Variants in MACROD2 observed in about 807,000 individuals in gnomAD.
MACROD2 encodes the protein mono-ADP ribosylhydrolase 2.
In MACROD2, 36 loss-of-function variants were observed where a neutral mutation model predicts 70.4. The observed-to-expected ratio is 0.51, with a 90% CI of 0.39 to 0.68. The LOEUF (loss-of-function observed/expected upper bound fraction) is 0.68, where lower values mean the gene tolerates loss of function less well. Among genes scored for constraint, MACROD2 ranks in the 30% least tolerant of loss-of-function variants. MACROD2 has a pLI of 0.00. For synonymous variants in MACROD2, 172 were observed against 178.8 expected (o/e 0.96, Z 0.30); for missense variants, 496 against 538.4 (o/e 0.92, Z 0.78).
chr20:15,931,817 G>T (rs1033840580), intron 10 of MACROD2, among the ~76,000 whole-genome samples: 1 of 151,772 alleles, frequency 6.6e-6, no homozygotes, highest in Non-Finnish European at 1.5e-5. Context: ...CCCCATTTAG[G>T]TCAAATCTAA....
intron 5 of MACROD2, among the ~76,000 whole-genome samples, chr20:15,144,471 T>C (rs576263797): frequency 6.6e-6 from 1 of 152,154 alleles, no homozygotes; most frequent in African/African-American, 2.4e-5. Context: ...ATAGTGACTT[T>C]GAAACTTTGA....
intron 6 of MACROD2, among the ~76,000 whole-genome samples, chr20:15,351,200 A>G (rs890771140): frequency 3.9e-5 from 6 of 152,166 alleles, no homozygotes; most frequent in Non-Finnish European, 7.3e-5. Context: ...ATGACACAAG[A>G]GGGCACAACA....
At chr20:14,511,562 T>C (rs755442966) in intron 4 of MACROD2, among the ~76,000 whole-genome samples, 2 of 149,874 alleles carry the variant, frequency 1.3e-5, no homozygotes, top group Non-Finnish European at 3.0e-5. Context: ...CAACCTAAAA[T>C]ATTTCTTTTC....
intron 3 of MACROD2, among the ~76,000 whole-genome samples, chr20:14,181,368 C>T (rs1328692878): frequency 6.6e-6 from 1 of 151,894 alleles, no homozygotes; most frequent in Non-Finnish European, 1.5e-5. Context: ...GTGCCTGGCC[C>T]TCTGTCATTT....
chr20:15,732,510 T>A (rs938521447), intron 8 of MACROD2, among the ~76,000 whole-genome samples: 1 of 152,266 alleles, frequency 6.6e-6, no homozygotes, highest in Non-Finnish European at 1.5e-5. Context: ...TGAATGCCTG[T>A]TGAATTTTGT....
chr20:15,785,496 T>A (rs1271115724), intron 8 of MACROD2, among the ~76,000 whole-genome samples: 2 of 152,152 alleles, frequency 1.3e-5, no homozygotes, highest in African/African-American at 4.8e-5. Flanking sequence ...TTTAAGTGAC[T>A]CAGTAGGGGA....
rs113118962 is a variant in MACROD2 at position 15,387,419 on chromosome 20, T to C, written c.541-43986T>C. Among the ~76,000 whole-genome samples, 891 of 151,822 alleles carry C rather than the reference T, an allele frequency of 5.9e-3. 8 individuals are homozygous for C. The highest frequency in any genetic ancestry group is 0.031 in the Middle Eastern group (9 of 294). ...CAGTCTGCACTTTTCCCTTCCATTCTCCATCCTTTCTCCTTTTATTCCTCT... is the reference window on the plus strand; with the variant it reads ...CAGTCTGCACTTTTCCCTTCCATTCCCCATCCTTTCTCCTTTTATTCCTCT... On this transcript the variant is annotated intron_variant, in intron 6 of 17. Transcript: ENST00000684519.
At chr20:15,778,249 C>T (rs1389623751) in intron 8 of MACROD2, among the ~76,000 whole-genome samples, 2 of 152,136 alleles carry the variant, frequency 1.3e-5, no homozygotes, top group African/African-American at 2.4e-5. Context: ...ATCCACTTCT[C>T]TCTACTTTCC....
chr20:14,724,648 A>G (rs908801848), intron 5 of MACROD2, among the ~76,000 whole-genome samples: 2 of 152,210 alleles, frequency 1.3e-5, no homozygotes, highest in African/African-American at 4.8e-5. Context: ...AAGGAAACAC[A>G]TATGGTAACA....
chr20:14,420,618 G>T (rs957695918), intron 3 of MACROD2, among the ~76,000 whole-genome samples: 1 of 152,106 alleles, frequency 6.6e-6, no homozygotes, highest in African/African-American at 2.4e-5. Flanking sequence ...ATGTGTTTCA[G>T]ATATTAATCC....
chr20:15,151,331 G>T (rs919182450), intron 5 of MACROD2, among the ~76,000 whole-genome samples: 1 of 152,060 alleles, frequency 6.6e-6, no homozygotes, highest in African/African-American at 2.4e-5. Context: ...GGAATGCCTG[G>T]CTGCTGCGGT....
chr20:15,898,845 G>A (rs190422289), intron 10 of MACROD2, among the ~76,000 whole-genome samples: 28 of 151,958 alleles, frequency 1.8e-4, no homozygotes, highest in Admixed American at 1.2e-3. Context: ...GAAGTAGATA[G>A]ATAGATGCAT....
intron 8 of MACROD2, among the ~76,000 whole-genome samples, chr20:15,548,044 T>A (rs780591752): frequency 3.3e-5 from 5 of 152,164 alleles, no homozygotes; most frequent in Non-Finnish European, 7.4e-5. Context: ...CTCATTGCCA[T>A]CTATCTATAT....
intron 8 of MACROD2, among the ~76,000 whole-genome samples, chr20:15,807,290 T>A (rs1223226764): frequency 6.6e-6 from 1 of 152,156 alleles, no homozygotes; most frequent in African/African-American, 2.4e-5. Flanking sequence ...GACCAAAACA[T>A]GGCCTTCGTT....
intron 6 of MACROD2, among the ~76,000 whole-genome samples, chr20:15,238,967 G>A (rs1301632998): frequency 1.3e-5 from 2 of 152,124 alleles, no homozygotes; most frequent in East Asian, 1.9e-4. Context: ...TGCAATGCAA[G>A]CTTTCATCTT....
chr20:14,964,639 A>G (rs2122776767), intron 5 of MACROD2, among the ~76,000 whole-genome samples: 1 of 152,324 alleles, frequency 6.6e-6, no homozygotes, highest in African/African-American at 2.4e-5. Context: ...CCTGGATTCC[A>G]AATACCTATC....
rs115726481 is a variant in MACROD2 at position 14,374,822 on chromosome 20, G to A, written c.272-118657G>A. Among the ~76,000 whole-genome samples the A allele has an allele frequency of 4.4e-3, 674 of 152,080 alleles. 3 individuals are homozygous for A. Among genetic ancestry groups the A allele is most frequent in the African/African-American group, 0.015 (620 of 41,514 alleles). Reference sequence around the variant, plus strand: ...TTATGGCTAACCATGACAGTGGACCGAAAAAAACAAGCTTTTTGATTAGGA... The same window carrying A: ...TTATGGCTAACCATGACAGTGGACCAAAAAAAACAAGCTTTTTGATTAGGA... On this transcript the variant is annotated intron_variant, in intron 3 of 17. Transcript: ENST00000684519.
chr20:15,779,631 T>G (rs1309356787), intron 8 of MACROD2, among the ~76,000 whole-genome samples: 2 of 152,258 alleles, frequency 1.3e-5, no homozygotes, highest in East Asian at 3.9e-4. Flanking sequence ...TTTAAGGTTG[T>G]TTGTTTGTTT....
intron 5 of MACROD2, among the ~76,000 whole-genome samples, chr20:14,753,549 A>G (rs184420857): frequency 1.3e-5 from 2 of 152,164 alleles, no homozygotes; most frequent in East Asian, 3.9e-4. Flanking sequence ...TTCATATTCT[A>G]TTTTTACTTA....
Sources: gnomAD v4.1 joint callset for allele counts (sites outside exome capture counted in the v4.1 genomes callset) on GRCh38, gnomAD v4.1.1 for gene constraint, MANE v1.5 for transcripts, NCBI Gene and HGNC (gene_info 2026-07-23, HGNC 2026-07-21) for gene names.